The following ZDHHC14 variants were observed in gnomAD, a reference collection of about 807,000 sequenced individuals.
The protein encoded by ZDHHC14 is palmitoyltransferase ZDHHC14.
In ZDHHC14, 16 loss-of-function variants were observed where a neutral mutation model predicts 47.7. The ratio of observed to expected loss-of-function variants is 0.34; its 90% CI spans 0.23 to 0.51. ZDHHC14 has a LOEUF of 0.51. Ranked by LOEUF, ZDHHC14 falls within the 20% of genes least tolerant of loss-of-function variation. The probability of loss-of-function intolerance (pLI) is 0.97; values close to 1 mark genes in which losing one functional copy is unlikely to be tolerated. For synonymous variants in ZDHHC14, 293 were observed against 278.9 expected (o/e 1.05, Z -0.50); for missense variants, 515 against 662.5 (o/e 0.78, Z 2.44).
intron 7 of ZDHHC14, among the ~76,000 whole-genome samples, chr6:157,651,481 C>T (rs917981781): frequency 6.6e-6 from 1 of 152,200 alleles, no homozygotes; most frequent in African/African-American, 2.4e-5. Context: ...TCTGCAGAGA[C>T]GCTACTTGCA....
chr6:157,577,403 T>G lies in ZDHHC14; in HGVS notation c.407-15585T>G, dbSNP rs151175656. 5.7e-3 allele frequency among the ~76,000 whole-genome samples: 876 copies of G among 152,354 alleles called. 4 individuals are homozygous for G. The highest frequency in any genetic ancestry group is 0.01 in the Non-Finnish European group (690 of 68,036). ...CCAAAAATGGGATTGCTGGGCTGAA[T>G]GGTAATTCTATTTTAAGTTCTTTGA... On this transcript the variant is annotated intron_variant, in intron 2 of 8. Coordinates refer to ENST00000359775, the MANE Select transcript of ZDHHC14 (RefSeq NM_024630.3).
intron 2 of ZDHHC14, among the ~76,000 whole-genome samples, chr6:157,584,942 T>C (rs552901821): frequency 2.0e-5 from 3 of 152,296 alleles, no homozygotes; most frequent in East Asian, 3.9e-4. Context: ...CGGTGGCTCA[T>C]GGCTGTAATC....
chr6:157,439,427 A>G (rs995042766), intron 1 of ZDHHC14, among the ~76,000 whole-genome samples: 6 of 152,232 alleles, frequency 3.9e-5, no homozygotes, highest in Non-Finnish European at 7.3e-5. Flanking sequence ...ATCACTGATC[A>G]TTAGAGAAAT....
At chr6:157,395,686 C>T (rs995945222) in intron 1 of ZDHHC14, among the ~76,000 whole-genome samples, 31 of 151,690 alleles carry the variant, frequency 2.0e-4, no homozygotes, top group Admixed American at 1.7e-3. Flanking sequence ...CCCAGATACT[C>T]GGAAGGCTGA....
chr6:157,588,845 C>T lies in ZDHHC14; in HGVS notation c.407-4143C>T, dbSNP rs186353032. 1.8e-4 allele frequency among the ~76,000 whole-genome samples: 28 copies of T among 152,172 alleles called. No homozygotes were observed. In the East Asian group the frequency reaches 2.7e-3, roughly 15 times the overall value. ...GAAAGTTTCAATCACTGGGGAATCTCGGTGAAATGCAGATTCCCATTCCAT... is the reference window on the plus strand; with the variant it reads ...GAAAGTTTCAATCACTGGGGAATCTTGGTGAAATGCAGATTCCCATTCCAT... On this transcript the variant is annotated intron_variant, in intron 2 of 8. Transcript: ENST00000359775.
intron 1 of ZDHHC14, among the ~76,000 whole-genome samples, chr6:157,518,611 C>T (rs1350040585): frequency 6.6e-6 from 1 of 152,140 alleles, no homozygotes; most frequent in African/African-American, 2.4e-5. Context: ...GGATGGGGCT[C>T]AGCTCGCCTG....
At chr6:157,417,632 A>G (rs559686009) in intron 1 of ZDHHC14, among the ~76,000 whole-genome samples, 1 of 152,216 alleles carries the variant, frequency 6.6e-6, no homozygotes, top group Non-Finnish European at 1.5e-5. Flanking sequence ...GCTGCAAGTT[A>G]TAGAAAATGA....
intron 1 of ZDHHC14, among the ~76,000 whole-genome samples, chr6:157,407,532 A>T (rs1245812552): frequency 6.6e-6 from 1 of 152,218 alleles, no homozygotes; most frequent in Non-Finnish European, 1.5e-5. Context: ...TTAGCAAATA[A>T]AAGTCCCCAA....
intron 1 of ZDHHC14, among the ~76,000 whole-genome samples, chr6:157,461,921 C>T (rs1779096725): frequency 6.6e-6 from 1 of 152,206 alleles, no homozygotes; most frequent in Non-Finnish European, 1.5e-5. Context: ...TTGAGATCCT[C>T]ATACACTAAA....
chr6:157,515,057 G>A (rs1780632056), intron 1 of ZDHHC14, among the ~76,000 whole-genome samples: 1 of 152,196 alleles, frequency 6.6e-6, no homozygotes, highest in East Asian at 1.9e-4. Context: ...TTCCTTTCCA[G>A]TTTTCCAGCA....
At chr6:157,663,535 C>G (rs945217672) in intron 8 of ZDHHC14, among the ~76,000 whole-genome samples, 4 of 152,248 alleles carry the variant, frequency 2.6e-5, no homozygotes, top group African/African-American at 9.6e-5. Context: ...CATTGTGTCT[C>G]ATCAACAGGC....
chr6:157,637,514 G>A (rs534272289), intron 5 of ZDHHC14, among the ~76,000 whole-genome samples: 36 of 152,276 alleles, frequency 2.4e-4, no homozygotes, highest in African/African-American at 7.5e-4. Context: ...CATAAAAGCC[G>A]TCCTTTGATT....
At chr6:157,505,177 A>G (rs755772740) in intron 1 of ZDHHC14, among the ~76,000 whole-genome samples, 36 of 152,366 alleles carry the variant, frequency 2.4e-4, no homozygotes, top group Middle Eastern at 3.4e-3. Context: ...GCATTTGTGC[A>G]TGGTAAAACT....
At chr6:157,543,645 G>C (rs150954772) in intron 2 of ZDHHC14, among the ~76,000 whole-genome samples, 2 of 152,304 alleles carry the variant, frequency 1.3e-5, no homozygotes, top group African/African-American at 4.8e-5. Flanking sequence ...TGCCTATTCT[G>C]GTCCTACCAT....
chr6:157,667,531 G>A (rs1778606451), intron 8 of ZDHHC14, among the ~76,000 whole-genome samples: 1 of 151,726 alleles, frequency 6.6e-6, no homozygotes, highest in Non-Finnish European at 1.5e-5. Context: ...GGATAGAGGG[G>A]AAGAGAGTTG....
At chr6:157,435,832 G>C (rs1486141778) in intron 1 of ZDHHC14, among the ~76,000 whole-genome samples, 3 of 152,196 alleles carry the variant, frequency 2.0e-5, no homozygotes, top group Non-Finnish European at 4.4e-5. Context: ...GAGCCATCAT[G>C]CCTGGCCTCC....
chr6:157,439,531 G>A lies in ZDHHC14; in HGVS notation c.245+57265G>A, dbSNP rs541492097. On this transcript the variant is annotated intron_variant, in intron 1 of 8. Coordinates refer to ENST00000359775, the MANE Select transcript of ZDHHC14 (RefSeq NM_024630.3). ...ACAACAGATGCTGGCAAGGCTGTGG[G>A]GAAATAGGAACATTTTTACACTGTC... Among the ~76,000 whole-genome samples, 4 of 152,236 alleles carry A rather than the reference G, an allele frequency of 2.6e-5. No homozygotes were observed. In the South Asian group the frequency reaches 8.3e-4, roughly 32 times the overall value.
At chr6:157,421,492 C>CAAAA (rs147380621) in intron 1 of ZDHHC14, among the ~76,000 whole-genome samples, 2 of 56,710 alleles carry the variant, frequency 3.5e-5, no homozygotes, top group Admixed American at 2.8e-4. Flanking sequence ...GACTCCGTCT[C>CAAAA]AAAAAAAAAA....
chr6:157,495,695 A>AT (rs71027341), intron 1 of ZDHHC14, among the ~76,000 whole-genome samples: 5,569 of 104,254 alleles, frequency 0.053, 494 homozygotes, highest in Non-Finnish European at 0.078. Flanking sequence ...TTCGGGTTGA[A>AT]TTTTTTTTTT....
Sources: gnomAD v4.1 joint callset for allele counts (sites outside exome capture counted in the v4.1 genomes callset) on GRCh38, gnomAD v4.1.1 for gene constraint, MANE v1.5 for transcripts, NCBI Gene and HGNC (gene_info 2026-07-23, HGNC 2026-07-21) for gene names.